Variants in SVIL observed in about 807,000 individuals in gnomAD.
SVIL encodes the protein archvillin.
In SVIL, 101 loss-of-function variants were observed where a neutral mutation model predicts 240.4. That is an observed-to-expected ratio of 0.42 (90% CI 0.36 to 0.50). The LOEUF (loss-of-function observed/expected upper bound fraction) is 0.50, where lower values mean the gene tolerates loss of function less well. SVIL is among the 20% of genes least tolerant of loss of function. The pLI is 0.01. For synonymous variants in SVIL, 999 were observed against 1,100.0 expected, an observed-to-expected ratio of 0.91 and a Z score of 1.82; for missense variants, 2,512 against 2,818.7, an observed-to-expected ratio of 0.89 and a Z score of 2.46.
chr10:29,509,078 G>C (rs1197940793), intron 17 of SVIL, among the ~76,000 whole-genome samples: 1 of 152,280 alleles, frequency 6.6e-6, no homozygotes, highest in East Asian at 1.9e-4. Flanking sequence ...GGTGGAATGA[G>C]TTACTCTGGA....
At chr10:29,533,713 T>TG (rs1390304494) in intron 7 of SVIL, among the ~76,000 whole-genome samples, 5 of 152,262 alleles carry the variant, frequency 3.3e-5, no homozygotes, top group Admixed American at 1.3e-4. Context: ...GATGCTATCC[T>TG]GGGGGAGAAT....
At chr10:29,534,534 A>T (rs1374790712) in intron 7 of SVIL, among the ~76,000 whole-genome samples, 3 of 152,224 alleles carry the variant, frequency 2.0e-5, no homozygotes, top group Non-Finnish European at 1.5e-5. Flanking sequence ...AAATAAAGAG[A>T]GATTGCTCCA....
In SVIL at chr10:29,533,336, G is replaced by C; in HGVS notation, c.1031C>G (p.Ser344Cys). Residue 344 changes from serine to cysteine, a missense_variant, in exon 8 of 38, where the codon TCT becomes TGT. This residue lies in a region of SVIL where 1,443 missense variants were observed against 1,486.6 expected (regional missense o/e 0.97). Coordinates refer to ENST00000355867, the MANE Select transcript of SVIL (RefSeq NM_021738.3). ...GACCCTATCAAAGGCTGAGTGCTCA[G>C]ACTGAAATGACACGTAATGGACTGG... ...PAPVHYVSFQ[S>C]EHSAFDRVPS... 1.2e-6 allele frequency: 2 copies of C among 1,614,162 alleles called. No homozygotes were observed. Among genetic ancestry groups the C allele is most frequent in the Non-Finnish European group, 1.7e-6 (2 of 1,180,040 alleles).
Position 29,735,216 on chromosome 10 carries a change from C to T in SVIL, c.-400+535G>A, listed in dbSNP as rs1032182420. On this transcript the variant is annotated intron_variant, in intron 1 of 35. Transcript: ENST00000375400. The surrounding 1 kb of genome is among the most constrained non-coding windows in gnomAD (Gnocchi z 4.1). ...GCGCACCACGCATCGGGTTCAAACC[C>T]GCGCGGGCCCTGCGGAGGCGCCGGT... Among the ~76,000 whole-genome samples the T allele has an allele frequency of 5.3e-5, 8 of 152,136 alleles. No homozygotes were observed. The highest frequency in any genetic ancestry group is 2.1e-4 in the South Asian group (1 of 4,832).
At chr10:29,554,678 C>T in intron 5 of SVIL, 105 bp downstream of exon 5, 3 of 1,329,152 alleles carry the variant, frequency 2.3e-6, no homozygotes, top group Non-Finnish European at 2.9e-6. Context: ...CCACACAATT[C>T]ACTTCTGTGG....
At chr10:29,697,179 T>G (rs1589534046) in intron 1 of SVIL, among the ~76,000 whole-genome samples, 1 of 75,148 alleles carries the variant, frequency 1.3e-5, no homozygotes. Context: ...AGCCGCCCCG[T>G]CCGGGAGGGA....
At chr10:29,518,194 C>T (rs1950338206) in intron 16 of SVIL, among the ~76,000 whole-genome samples, 1 of 152,144 alleles carries the variant, frequency 6.6e-6, no homozygotes, top group Non-Finnish European at 1.5e-5. Context: ...TTGACACCAG[C>T]CTGGCCAATA....
At chr10:29,509,324 G>GA (rs1564540768) in intron 17 of SVIL, among the ~76,000 whole-genome samples, 46 of 79,814 alleles carry the variant, frequency 5.8e-4, no homozygotes, top group South Asian at 1.1e-3. Context: ...GGAGAAGGAG[G>GA]GGGAGGGAGA....
At chr10:29,519,720 T>C (rs142119435) in intron 16 of SVIL, among the ~76,000 whole-genome samples, 113 of 152,378 alleles carry the variant, frequency 7.4e-4, no homozygotes, top group African/African-American at 2.5e-3. Flanking sequence ...GTGTCCCTTG[T>C]TCTTTCATAA....
chr10:29,725,811 A>G (rs1964252150), intron 1 of SVIL, among the ~76,000 whole-genome samples: 1 of 152,200 alleles, frequency 6.6e-6, no homozygotes, highest in African/African-American at 2.4e-5. Flanking sequence ...ACTCAGAGAA[A>G]ATGCATAATT....
intron 12 of SVIL, among the ~76,000 whole-genome samples, chr10:29,529,466 C>A (rs547161389): frequency 2.4e-4 from 36 of 152,226 alleles, no homozygotes; most frequent in African/African-American, 8.7e-4. Flanking sequence ...TTTAAAATAT[C>A]AATATGCAGA....
At chr10:29,508,881 C>T (rs1375376018) in intron 17 of SVIL, among the ~76,000 whole-genome samples, 2 of 152,220 alleles carry the variant, frequency 1.3e-5, no homozygotes, top group Non-Finnish European at 2.9e-5. Context: ...ATGTCTGATT[C>T]GCTGGATGAC....
intron 6 of SVIL, among the ~76,000 whole-genome samples, chr10:29,540,501 A>C (rs556018241): frequency 2.0e-5 from 3 of 152,342 alleles, no homozygotes; most frequent in African/African-American, 7.2e-5. Context: ...GAAAAAGGAC[A>C]TTAACTGCTC....
chr10:29,513,012 G>GC (rs2132492013), intron 16 of SVIL, 151 bp from the exon 17 acceptor site: 1 of 1,200,548 alleles, frequency 8.3e-7, no homozygotes, highest in South Asian at 1.5e-5. Flanking sequence ...TCGGAAGACA[G>GC]CATGTCTGGA....
chr10:29,721,968 T>G (rs1461774142), intron 1 of SVIL, among the ~76,000 whole-genome samples: 1 of 152,110 alleles, frequency 6.6e-6, no homozygotes, highest in African/African-American at 2.4e-5. Flanking sequence ...CGGGTGCTGG[T>G]GGCTCACGCT....
rs1463800709 is a variant in SVIL at position 29,507,681 on chromosome 10, C to A, written c.3516+5054G>T. The A allele has an allele frequency of 1.3e-5, 11 of 857,566 alleles. No homozygotes were observed. The African/African-American group carries it at 2.0e-4, about 16-fold the overall frequency. 53.1% of individuals were successfully genotyped at this position (857,566 alleles called of 1,614,324 possible). ...ATTTCCCAAAATTAAAACAGAAGTT[C>A]TTTTCCTATTGCTCAGAAATTGCAG... On this transcript the variant is annotated intron_variant, in intron 17 of 37. Transcript: ENST00000355867.
intron 1 of SVIL, among the ~76,000 whole-genome samples, chr10:29,730,221 T>C (rs1964540821): frequency 1.3e-5 from 2 of 152,208 alleles, no homozygotes; most frequent in Middle Eastern, 3.4e-3. Context: ...CTAAGAGAAC[T>C]GTAATGTGCA....
chr10:29,483,592 A>G (rs10826636), intron 27 of SVIL: 40,935 of 152,104 alleles, frequency 0.27, 5,967 homozygotes, highest in East Asian at 0.54. Context: ...TGATTATGCC[A>G]CTATTAAATA....
intron 2 of SVIL, among the ~76,000 whole-genome samples, chr10:29,683,836 T>C (rs1295859468): frequency 2.0e-5 from 3 of 152,070 alleles, no homozygotes; most frequent in Non-Finnish European, 4.4e-5. Context: ...AGAGAACCCC[T>C]CTGTGCTGCA....
Sources: allele counts gnomAD v4.1 joint callset (sites outside exome capture counted in the v4.1 genomes callset), GRCh38; gene constraint gnomAD v4.1.1; regional missense constraint gnomAD v4.1.1; non-coding constraint Gnocchi (gnomAD v3.1); transcripts MANE v1.5; gene names NCBI Gene and HGNC (gene_info 2026-07-23, HGNC 2026-07-21).